The following CACNA1F variants were observed in gnomAD, a reference collection of about 807,000 sequenced individuals.
CACNA1F encodes voltage-dependent L-type calcium channel subunit alpha-1F.
CACNA1F carries 59 observed loss-of-function variants against 143.8 expected under a neutral mutation model. The observed-to-expected ratio is 0.41, with a 90% CI of 0.33 to 0.51. CACNA1F has a LOEUF of 0.51. Ranked by LOEUF, CACNA1F falls within the 20% of genes least tolerant of loss-of-function variation. The pLI, the probability that CACNA1F is intolerant of heterozygous loss-of-function variation, is 0.22. For synonymous variants in CACNA1F, 643 were observed against 649.1 expected (o/e 0.99, Z 0.14); for missense variants, 1,411 against 1,647.5 (o/e 0.86, Z 2.48).
chrX:49,214,547 G>T (rs6608848), intron 29 of CACNA1F, among the ~76,000 whole-genome samples: 2 of 112,327 alleles, frequency 1.8e-5, no homozygotes, highest in Non-Finnish European at 3.8e-5. Flanking sequence ...TTTGCTTTCC[G>T]ATGAAAGGAT....
chrX:49,208,459 T>G, intron 43 of CACNA1F, 56 bp downstream of exon 43: 3 of 657,522 alleles, frequency 4.6e-6, no homozygotes, highest in Non-Finnish European at 6.5e-6. Flanking sequence ...ATTGCCTCTA[T>G]CCAGTGTCTA....
At chrX:49,211,744 C>CT (rs1256902083) in intron 35 of CACNA1F, among the ~76,000 whole-genome samples, 154 bp downstream of exon 35, 1 of 112,205 alleles carries the variant, frequency 8.9e-6, no homozygotes, top group Non-Finnish European at 1.9e-5. Flanking sequence ...CTAGAATACT[C>CT]TAACAGACTC....
chrX:49,205,857 G>T lies in CACNA1F; in HGVS notation c.5473-44C>A, dbSNP rs2065590433. ...CAGAGGGGCAGGGATGGATGAGTAG[G>T]GTATGAGGGTCTAGGACTCACCGCT... is the stretch of plus-strand genomic sequence containing the variant. On this transcript the variant is annotated intron_variant, in intron 46 of 47. Coordinates refer to ENST00000323022, the MANE Select transcript of CACNA1F (RefSeq NM_001256789.3). 5 of 1,099,851 alleles carry T rather than the reference G, an allele frequency of 4.5e-6. No individual in the cohort carries two copies. In the South Asian group the frequency reaches 7.8e-5, roughly 17 times the overall value. 90.6% of individuals were successfully genotyped at this position (1,099,851 alleles called of 1,213,427 possible). A position where few individuals can be genotyped will look rare whatever the true frequency, so the allele number is the denominator to read the frequency against.
intron 46 of CACNA1F, 67 bp downstream of exon 46, chrX:49,206,444 G>T: frequency 6.0e-6 from 3 of 500,068 alleles, no homozygotes; most frequent in Non-Finnish European, 1.1e-5. Context: ...CTGTGTTTGA[G>T]AAATTCAGCC....
Position 49,231,279 on chromosome X carries a change from T to C in CACNA1F, c.304A>G (p.Ile102Val), listed in dbSNP as rs1442717977. ...CCCAGGGCCACGCAGTTGGCAAAGA[T>C]GGTCAGCAGGATGAGGATGTCGAAG... Reference protein sequence around the residue: ...KPFDILILLTIFANCVALGVY... With the variant: ...KPFDILILLTVFANCVALGVY... The change falls in exon 3 of 48, where the codon ATC becomes GTC. Residue 102 changes from isoleucine (I) to valine (V), a missense_variant. Ile to Val is a conservative substitution (Grantham distance 29, BLOSUM62 3). This residue lies in a region of CACNA1F where 950 missense variants were observed against 1,128.1 expected (regional missense o/e 0.84). Transcript: ENST00000323022. 4 of 1,163,440 alleles carry C rather than the reference T, an allele frequency of 3.4e-6. No individual in the cohort carries two copies. The highest frequency in any genetic ancestry group is 3.4e-6 in the Non-Finnish European group (3 of 870,460).
rs782512273 is a variant in CACNA1F at position 49,217,975 on chromosome X, G to T, written c.2959C>A (p.Arg987=). The T allele has an allele frequency of 8.3e-6, 10 of 1,207,721 alleles. No homozygotes were observed. The highest frequency in any genetic ancestry group is 1.8e-5 in the African/African-American group (1 of 56,935). The part of the protein sequence containing the change: ...HVVQCVFVAI[R]TIGNIMIVTT... ...ACAATCATGATGTTTCCGATGGTCC[G>T]GATGGCCACAAATACACACTGCACC... The change falls in exon 25 of 48, where the codon CGG becomes AGG. Residue 987 remains arginine (R), a synonymous_variant. Coordinates refer to ENST00000323022, the MANE Select transcript of CACNA1F (RefSeq NM_001256789.3).
Position 49,226,106 on chromosome X carries a change from C to T in CACNA1F, c.1491-37G>A, listed in dbSNP as rs782544076. On this transcript the variant is annotated intron_variant, in intron 12 of 47. Transcript: ENST00000323022. Reference sequence around the variant, plus strand: ...GGAGCCCACAGGCTGAGATCACCTACCTAAGCCTGCCCTGGGGGGCTCAGG... The same window carrying T: ...GGAGCCCACAGGCTGAGATCACCTATCTAAGCCTGCCCTGGGGGGCTCAGG... 8.5e-6 allele frequency: 10 copies of T among 1,181,633 alleles called. No homozygotes were observed. The Admixed American group carries it at 2.1e-4, about 24-fold the overall frequency.
At chrX:49,230,780 T>A (rs1226182658) in intron 4 of CACNA1F, 70 bp downstream of exon 4, 13 of 1,128,254 alleles carry the variant, frequency 1.2e-5, no homozygotes, top group Admixed American at 2.6e-5. Flanking sequence ...GTCGCTTTCC[T>A]GAGCCCAGAA....
Position 49,217,968 on chromosome X carries a change from A to G in CACNA1F, c.2966T>C (p.Ile989Thr). Reference protein sequence around the residue: ...VQCVFVAIRTIGNIMIVTTLL... With the variant: ...VQCVFVAIRTTGNIMIVTTLL... Reference sequence around the variant, plus strand: ...TGTGGTGACAATCATGATGTTTCCGATGGTCCGGATGGCCACAAATACACA... The same window carrying G: ...TGTGGTGACAATCATGATGTTTCCGGTGGTCCGGATGGCCACAAATACACA... The change falls in exon 25 of 48, where the codon ATC (isoleucine) becomes ACC (threonine). Residue 989 changes from isoleucine (I) to threonine (T), a missense_variant. Ile to Thr is a moderately conservative substitution (Grantham distance 89). This residue lies in a region of CACNA1F where 950 missense variants were observed against 1,128.1 expected (regional missense o/e 0.84). Coordinates refer to ENST00000323022, the MANE Select transcript of CACNA1F (RefSeq NM_001256789.3). 8.3e-7 allele frequency: 1 copy of G among 1,210,110 alleles called. No individual in the cohort carries two copies. Among genetic ancestry groups the G allele is most frequent in the Non-Finnish European group, 1.1e-6 (1 of 894,552 alleles).
chrX:49,223,978 C>T (rs782040419), intron 14 of CACNA1F, among the ~76,000 whole-genome samples: 2 of 110,854 alleles, frequency 1.8e-5, no homozygotes, highest in South Asian at 3.8e-4. Context: ...GTGATCCACC[C>T]GCCTCAGCCT....
chrX:49,226,362 G>T, intron 11 of CACNA1F, 47 bp downstream of exon 11: 1 of 1,147,803 alleles, frequency 8.7e-7, no homozygotes, highest in East Asian at 3.1e-5. Context: ...ACTTGAGTCA[G>T]GGTTTGGACT....
Position 49,216,400 on chromosome X carries a change from G to T in CACNA1F, c.3218C>A (p.Thr1073Asn). 1.7e-6 allele frequency: 2 copies of T among 1,211,001 alleles called. No individual in the cohort carries two copies. Among genetic ancestry groups the T allele is most frequent in the Non-Finnish European group, 2.2e-6 (2 of 894,876 alleles). ...CCCTCACGCAGGCCAGCCTTCAAAGGTGGAGACAGTGAACAGGGCCATCAT... is the reference window on the plus strand; with the variant it reads ...CCCTCACGCAGGCCAGCCTTCAAAGTTGGAGACAGTGAACAGGGCCATCAT... The part of the protein sequence containing the change: ...SAMMALFTVS[T>N]FEGWPALLYK... The change falls in exon 27 of 48, where the codon ACC (threonine) becomes AAC (asparagine). Residue 1073 changes from threonine (T) to asparagine (N), a missense_variant. Around this residue, in one of 3 missense-constraint regions of CACNA1F, gnomAD observed 950 missense variants for 1,128.1 expected, o/e 0.84. Transcript: ENST00000323022.
In CACNA1F at chrX:49,222,848, G is replaced by A. The variant is rs1557109023; in HGVS notation, c.2086-10C>T. ...CCTCACCTGTCAGGATCTGGGGGTGGGAAGTCACTGTGGAGCTCTTGGACC... is the reference window on the plus strand; with the variant it reads ...CCTCACCTGTCAGGATCTGGGGGTGAGAAGTCACTGTGGAGCTCTTGGACC... On this transcript the variant is annotated splice_polypyrimidine_tract_variant and intron_variant, in intron 15 of 47. Transcript: ENST00000323022. 2.5e-6 allele frequency: 3 copies of A among 1,211,292 alleles called. No individual in the cohort carries two copies. Among genetic ancestry groups the A allele is most frequent in the Non-Finnish European group, 3.4e-6 (3 of 895,345 alleles).
rs200976011 is a variant in CACNA1F at position 49,217,783 on chromosome X, C to T, written c.3061G>A (p.Glu1021Lys). The change falls in exon 26 of 48, where the codon GAG becomes AAG. Residue 1021 changes from glutamate (E) to lysine (K), a missense_variant. Glu to Lys is a moderately conservative substitution (Grantham distance 56, BLOSUM62 1). Transcript: ENST00000323022. ...FKGKFYTCTD[E>K]AKHTPQECKG... is the part of the protein sequence containing the mutation. Reference sequence around the variant, plus strand: ...CATTCTTGAGGGGTGTGTTTGGCCTCGTCCGTGCAGGTGTAGAATTTCCCC... The same window carrying T: ...CATTCTTGAGGGGTGTGTTTGGCCTTGTCCGTGCAGGTGTAGAATTTCCCC... 2.6e-5 allele frequency: 31 copies of T among 1,207,182 alleles called. No homozygotes were observed. The African/African-American group carries it at 3.0e-4, about 12-fold the overall frequency.
chrX:49,226,495 G>A lies in CACNA1F; in HGVS notation c.1377C>T (p.Leu459=), dbSNP rs868930906. ...STHSTSSHAS[L]PASDTGSMTE... Reference sequence around the variant, plus strand: ...TCATGGAACCGGTGTCACTGGCTGGGAGGCTGGCTGTAGGCAAGGTGGGGA... The same window carrying A: ...TCATGGAACCGGTGTCACTGGCTGGAAGGCTGGCTGTAGGCAAGGTGGGGA... Residue 459 remains leucine (L), a synonymous_variant, in exon 11 of 48, where the codon CTC becomes CTT. Transcript: ENST00000323022. 2 of 1,186,658 alleles carry A rather than the reference G, an allele frequency of 1.7e-6. No individual in the cohort carries two copies.
chrX:49,230,540 T>C lies in CACNA1F; in HGVS notation c.591A>G (p.Pro197=). Reference sequence around the variant, plus strand: ...TCAATGCCTTCACATCGAAGCCTCCTGGCTTTCCCCCGGTGTGCGGGGCGT... The same window carrying C: ...TCAATGCCTTCACATCGAAGCCTCCCGGCTTTCCCCCGGTGTGCGGGGCGT... ...PGDAPHTGGK[P]GGFDVKALRA... Residue 197 remains proline (P), a synonymous_variant, in exon 5 of 48, where the codon CCA becomes CCG. Coordinates refer to ENST00000323022, the MANE Select transcript of CACNA1F (RefSeq NM_001256789.3). The C allele has an allele frequency of 8.4e-7, 1 of 1,196,164 alleles. No individual in the cohort carries two copies.
At chrX:49,226,870 G>C (rs2065830938) in intron 9 of CACNA1F, 100 bp downstream of exon 9, 1 of 1,109,063 alleles carries the variant, frequency 9.0e-7, no homozygotes, top group Non-Finnish European at 1.2e-6. Flanking sequence ...ATCAGGCCTG[G>C]GTGGGTCTCA....
At chrX:49,219,206 C>T in intron 21 of CACNA1F, 115 bp downstream of exon 21, 1 of 809,811 alleles carries the variant, frequency 1.2e-6, no homozygotes, top group South Asian at 2.2e-5. Flanking sequence ...TTAATGAGCC[C>T]CTCTCTCGGC....
chrX:49,225,758 G>A, intron 13 of CACNA1F, 151 bp downstream of exon 13: 1 of 458,453 alleles, frequency 2.2e-6, no homozygotes, highest in Non-Finnish European at 3.8e-6. Context: ...GCTACAAGGT[G>A]GGATGGGACA....
Sources: gnomAD v4.1 joint callset for allele counts (sites outside exome capture counted in the v4.1 genomes callset) on GRCh38, gnomAD v4.1.1 for gene constraint, gnomAD v4.1.1 regional missense constraint, MANE v1.5 for transcripts, NCBI Gene and HGNC (gene_info 2026-07-23, HGNC 2026-07-21) for gene names.